Variants in KLHL29 observed in about 807,000 individuals in gnomAD.
KLHL29 encodes kelch-like protein 29.
KLHL29 carries 21 observed loss-of-function variants against 80.4 expected under a neutral mutation model. The ratio of observed to expected loss-of-function variants is 0.26; its 90% confidence interval spans 0.19 to 0.38. The LOEUF (loss-of-function observed/expected upper bound fraction) is 0.38, where lower values mean the gene tolerates loss of function less well. Ranked by LOEUF, KLHL29 falls within the 10% of genes least tolerant of loss-of-function variation. The probability of loss-of-function intolerance (pLI) is 1.00; values close to 1 mark genes in which losing one functional copy is unlikely to be tolerated. For missense variants in KLHL29, 867 were observed against 1,223.9 expected (o/e 0.71, Z 4.35); for synonymous variants, 511 against 526.8 (o/e 0.97, Z 0.41).
intron 13 of KLHL29, 122 bp downstream of exon 13, chr2:23,703,985 T>TC: frequency 1.8e-6 from 2 of 1,117,578 alleles, no homozygotes; most frequent in Non-Finnish European, 2.5e-6. Flanking sequence ...GCAGTGGCCC[T>TC]CCCCCTCCAA....
In KLHL29 at chr2:23,517,200, C is replaced by T. The variant is rs2103466630; in HGVS notation, c.-46+41533C>T. On this transcript the variant is annotated intron_variant, in intron 2 of 13. Transcript: ENST00000486442. Reference sequence around the variant, plus strand: ...CCGGGGGTCTGCCGTCCGCTGAGCTCTTTTTTCTTTAAACTTAGGAACAGA... The same window carrying T: ...CCGGGGGTCTGCCGTCCGCTGAGCTTTTTTTTCTTTAAACTTAGGAACAGA... 2.0e-5 allele frequency among the ~76,000 whole-genome samples: 3 copies of T among 152,258 alleles called. 1 individual carries two copies. The South Asian group carries it at 6.2e-4, about 32-fold the overall frequency.
intron 1 of KLHL29, among the ~76,000 whole-genome samples, chr2:23,430,076 G>T (rs113658637): frequency 2.6e-5 from 4 of 152,144 alleles, no homozygotes; most frequent in Non-Finnish European, 4.4e-5. Context: ...AACCCTTGCC[G>T]TGTGACTCTG....
chr2:23,421,657 AC>A (rs1023210864), intron 1 of KLHL29, among the ~76,000 whole-genome samples: 1 of 128,066 alleles, frequency 7.8e-6, no homozygotes, highest in Non-Finnish European at 1.7e-5. Context: ...TGGTGTGTGA[AC>A]CTGTGTGTGT....
chr2:23,511,960 C>T (rs928651827), intron 2 of KLHL29, among the ~76,000 whole-genome samples: 5 of 152,102 alleles, frequency 3.3e-5, no homozygotes, highest in Non-Finnish European at 7.3e-5. Flanking sequence ...ATATTGATCC[C>T]GGCCAACAAA....
At chr2:23,531,934 C>T (rs1666502184) in intron 2 of KLHL29, among the ~76,000 whole-genome samples, 1 of 152,176 alleles carries the variant, frequency 6.6e-6, no homozygotes, top group Non-Finnish European at 1.5e-5. Context: ...GAGATGTGAA[C>T]CTGAAAGAAC....
At chr2:23,435,232 G>T (rs1338710211) in intron 1 of KLHL29, among the ~76,000 whole-genome samples, 1 of 152,146 alleles carries the variant, frequency 6.6e-6, no homozygotes, top group Non-Finnish European at 1.5e-5. Flanking sequence ...GATGGCACTG[G>T]GGAGGCAGAC....
intron 2 of KLHL29, among the ~76,000 whole-genome samples, chr2:23,550,007 C>T (rs890479521): frequency 6.6e-6 from 1 of 152,156 alleles, no homozygotes; most frequent in Non-Finnish European, 1.5e-5. Context: ...TCTGGGTCTA[C>T]CCTGGCCTAC....
At chr2:23,561,600 C>T (rs982799167) in intron 2 of KLHL29, among the ~76,000 whole-genome samples, 1 of 152,178 alleles carries the variant, frequency 6.6e-6, no homozygotes, top group African/African-American at 2.4e-5. Flanking sequence ...GTACTCGAAC[C>T]TCAAGGGATA....
At chr2:23,437,418 G>A (rs1663374089) in intron 1 of KLHL29, among the ~76,000 whole-genome samples, 1 of 152,176 alleles carries the variant, frequency 6.6e-6, no homozygotes, top group South Asian at 2.1e-4. Flanking sequence ...AGACTAGGAT[G>A]AAAGGCATTT....
At chr2:23,632,681 C>T (rs972134799) in intron 3 of KLHL29, among the ~76,000 whole-genome samples, 3 of 152,204 alleles carry the variant, frequency 2.0e-5, no homozygotes, top group African/African-American at 7.2e-5. Flanking sequence ...TTGCTGTTCT[C>T]AGAAGAGCCC....
intron 1 of KLHL29, among the ~76,000 whole-genome samples, chr2:23,452,826 GTTC>G (rs779268577): frequency 8.5e-5 from 13 of 152,124 alleles, no homozygotes; most frequent in Non-Finnish European, 1.9e-4. Flanking sequence ...CTTTTGGAAC[GTTC>G]TTCTTTCTGT....
At chr2:23,432,654 A>C (rs567340034) in intron 1 of KLHL29, among the ~76,000 whole-genome samples, 1 of 152,370 alleles carries the variant, frequency 6.6e-6, no homozygotes, top group African/African-American at 2.4e-5. Context: ...CCTGTGACAG[A>C]GCTCAGGGAA....
chr2:23,696,736 G>C lies in KLHL29; in HGVS notation c.2105+223G>C, dbSNP rs1671984276. The C allele has an allele frequency of 2.1e-6, 1 of 482,698 alleles. No individual in the cohort carries two copies. Among genetic ancestry groups the C allele is most frequent in the Non-Finnish European group, 3.6e-6 (1 of 275,290 alleles). The allele number at this position is 482,698 out of a possible 1,614,324, so 29.9% of individuals were successfully genotyped here. A position where few individuals can be genotyped will look rare whatever the true frequency, so the allele number is the denominator to read the frequency against. ...TCTGTGTCACCTTTGCAGTCGCTGAGATGGGAGATGGGGCGCTTCTGTCCC... is the reference window on the plus strand; with the variant it reads ...TCTGTGTCACCTTTGCAGTCGCTGACATGGGAGATGGGGCGCTTCTGTCCC... On this transcript the variant is annotated intron_variant, in intron 11 of 13. Coordinates refer to ENST00000486442, the MANE Select transcript of KLHL29 (RefSeq NM_052920.2). This position sits in a 1 kb window ranked among gnomAD's most constrained non-coding sequence, Gnocchi z 5.5.
chr2:23,532,884 A>C (rs1360154578), intron 2 of KLHL29, among the ~76,000 whole-genome samples: 1 of 152,110 alleles, frequency 6.6e-6, no homozygotes, highest in Non-Finnish European at 1.5e-5. Context: ...TTTTGTTGAG[A>C]AGGGAGACAG....
intron 3 of KLHL29, among the ~76,000 whole-genome samples, chr2:23,631,737 C>T (rs1434377202): frequency 1.3e-5 from 2 of 152,206 alleles, no homozygotes; most frequent in Non-Finnish European, 2.9e-5. Flanking sequence ...TCCCGGAGGC[C>T]ACAGATTTCC....
At chr2:23,555,329 A>C (rs1446579905) in intron 2 of KLHL29, among the ~76,000 whole-genome samples, 2 of 152,220 alleles carry the variant, frequency 1.3e-5, no homozygotes, top group Non-Finnish European at 2.9e-5. Flanking sequence ...AGGGACAGGC[A>C]GTGGGAGAAG....
chr2:23,509,328 G>T (rs1189602070), intron 2 of KLHL29, among the ~76,000 whole-genome samples: 1 of 152,196 alleles, frequency 6.6e-6, no homozygotes, highest in Non-Finnish European at 1.5e-5. Flanking sequence ...GGGTGATGGG[G>T]CTGGCTGCCA....
At chr2:23,532,473 C>A (rs976129381) in intron 2 of KLHL29, 1 of 430,192 alleles carries the variant, frequency 2.3e-6, no homozygotes, top group Non-Finnish European at 4.7e-6. Context: ...GCACCCAGGG[C>A]GGCACCCAGG....
intron 1 of KLHL29, among the ~76,000 whole-genome samples, chr2:23,438,931 A>C (rs1431142543): frequency 1.4e-5 from 2 of 145,700 alleles, no homozygotes; most frequent in Non-Finnish European, 3.0e-5. Flanking sequence ...CTGTGAATCC[A>C]TCGGGTCCTG....
Sources: allele counts gnomAD v4.1 joint callset (sites outside exome capture counted in the v4.1 genomes callset), GRCh38; gene constraint gnomAD v4.1.1; non-coding constraint Gnocchi (gnomAD v3.1); transcripts MANE v1.5; gene names NCBI Gene and HGNC (gene_info 2026-07-23, HGNC 2026-07-21).